Variants in ZNF644 observed in about 807,000 individuals in gnomAD.
ZNF644 encodes zinc finger protein 644, also known as zinc finger motif enhancer binding protein 2.
In ZNF644, 20 loss-of-function variants were observed where a neutral mutation model predicts 108.0. The ratio of observed to expected loss-of-function variants is 0.19; its 90% CI spans 0.13 to 0.27. ZNF644 has a LOEUF of 0.27. ZNF644 is among the 10% of genes least tolerant of loss of function. The probability of loss-of-function intolerance (pLI) is 1.00; values close to 1 mark genes in which losing one functional copy is unlikely to be tolerated. For synonymous variants in ZNF644, 542 were observed against 539.1 expected, an observed-to-expected ratio of 1.01 and a Z score of -0.08; for missense variants, 1,338 against 1,548.9, an observed-to-expected ratio of 0.86 and a Z score of 2.29.
intron 4 of ZNF644, among the ~76,000 whole-genome samples, chr1:90,920,637 G>T (rs1649324756): frequency 6.6e-6 from 1 of 151,870 alleles, no homozygotes; most frequent in Non-Finnish European, 1.5e-5. Flanking sequence ...ATCTAAACTT[G>T]AAATGAGAAT....
chr1:91,015,995 G>A (rs1212642277), intron 1 of ZNF644, among the ~76,000 whole-genome samples: 1 of 152,126 alleles, frequency 6.6e-6, no homozygotes, highest in Non-Finnish European at 1.5e-5. Flanking sequence ...CACTTGCCTA[G>A]TGCTCACACA....
At chr1:90,986,230 ATC>A (rs1482252326) in intron 1 of ZNF644, among the ~76,000 whole-genome samples, 2 of 152,074 alleles carry the variant, frequency 1.3e-5, no homozygotes, top group Non-Finnish European at 2.9e-5. Flanking sequence ...CCACAGTCTG[ATC>A]ATGAGAAAAA....
At position 90,939,417 on chromosome 1, in the gene ZNF644, T is replaced by G; in HGVS notation, c.1937A>C (p.Gln646Pro). Residue 646 changes from glutamine (Q) to proline (P), a missense_variant, in exon 3 of 6, where the codon CAA (glutamine) becomes CCA (proline). Physicochemically the swap from Gln to Pro is moderately conservative, Grantham distance 76. This residue lies in a region of ZNF644 where 462 missense variants were observed against 472.6 expected (regional missense o/e 0.98). Transcript: ENST00000337393. ...DSDSTKTLTK[Q>P]QSTTFPKNSA... ...GTTCTTTGGAAATGTGGTTGACTGT[T>G]GTTTAGTTAATGTTTTAGTGCTATC... 6.2e-7 allele frequency: 1 copy of G among 1,613,966 alleles called. No individual in the cohort carries two copies. Among genetic ancestry groups the G allele is most frequent in the East Asian group, 2.2e-5 (1 of 44,874 alleles).
chr1:90,994,840 C>T (rs545274767), intron 1 of ZNF644, among the ~76,000 whole-genome samples: 13 of 152,210 alleles, frequency 8.5e-5, no homozygotes, highest in African/African-American at 3.1e-4. Flanking sequence ...CACTGGGAGA[C>T]CCCCAACAAG....
chr1:90,923,329 A>G (rs1649677900), intron 4 of ZNF644, among the ~76,000 whole-genome samples: 1 of 151,998 alleles, frequency 6.6e-6, no homozygotes, highest in Non-Finnish European at 1.5e-5. Context: ...TCCACCCCTC[A>G]ATCTCTCGGC....
intron 2 of ZNF644, among the ~76,000 whole-genome samples, chr1:90,962,479 A>G (rs187989179): frequency 9.9e-5 from 15 of 152,230 alleles, no homozygotes; most frequent in Admixed American, 5.2e-4. Context: ...TATGCCTCAC[A>G]CATTATACAA....
In ZNF644 at chr1:90,940,442, G is replaced by A. The variant is rs144274015; in HGVS notation, c.912C>T (p.Thr304=). The change falls in exon 3 of 6, where the codon ACC becomes ACT. Residue 304 remains threonine (T), a synonymous_variant. Transcript: ENST00000337393. ...KMDVSKITRY[T]EDCFSDSNCV... Reference sequence around the variant, plus strand: ...AATTAGAATCACTAAAGCAATCCTCGGTATAACGAGTTATCTTGCTTACAT... The same window carrying A: ...AATTAGAATCACTAAAGCAATCCTCAGTATAACGAGTTATCTTGCTTACAT... 311 of 1,613,132 alleles carry A rather than the reference G, an allele frequency of 1.9e-4. No homozygotes were observed. The African/African-American group carries it at 3.8e-3, about 20-fold the overall frequency.
chr1:90,970,216 T>C (rs776016765), intron 2 of ZNF644, among the ~76,000 whole-genome samples: 11 of 152,324 alleles, frequency 7.2e-5, no homozygotes, highest in Middle Eastern at 3.4e-3. Context: ...TCCTGTATAA[T>C]TGACATTTAA....
At chr1:91,017,929 C>T (rs1167033633) in intron 1 of ZNF644, among the ~76,000 whole-genome samples, 1 of 152,012 alleles carries the variant, frequency 6.6e-6, no homozygotes, top group African/African-American at 2.4e-5. Flanking sequence ...ACCACTGCAC[C>T]CGCGCCTGGG....
chr1:90,923,117 G>A (rs1649652726), intron 4 of ZNF644, among the ~76,000 whole-genome samples: 1 of 152,114 alleles, frequency 6.6e-6, no homozygotes, highest in Non-Finnish European at 1.5e-5. Context: ...AAAGTGCCTA[G>A]GAGACCAGCT....
intron 2 of ZNF644, among the ~76,000 whole-genome samples, chr1:90,953,163 A>C (rs1653369830): frequency 6.6e-6 from 1 of 152,146 alleles, no homozygotes; most frequent in South Asian, 2.1e-4. Flanking sequence ...AACACAAACT[A>C]CCAAACATCT....
At chr1:90,991,909 C>T (rs1657671675) in intron 1 of ZNF644, among the ~76,000 whole-genome samples, 1 of 152,148 alleles carries the variant, frequency 6.6e-6, no homozygotes, top group African/African-American at 2.4e-5. Context: ...TATTGAAACA[C>T]TAGCGGAAAA....
intron 2 of ZNF644, among the ~76,000 whole-genome samples, chr1:90,953,568 T>C (rs796079826): frequency 3.9e-5 from 6 of 152,118 alleles, no homozygotes; most frequent in South Asian, 4.1e-4. Flanking sequence ...TATACTGTTG[T>C]CAATTAATTA....
At chr1:90,960,799 G>A (rs1314660262) in intron 2 of ZNF644, among the ~76,000 whole-genome samples, 2 of 152,086 alleles carry the variant, frequency 1.3e-5, no homozygotes, top group Non-Finnish European at 2.9e-5. Context: ...AGGTGTTCTT[G>A]CTAGTCTTTT....
At chr1:90,918,568 G>C (rs1269342817) in intron 4 of ZNF644, among the ~76,000 whole-genome samples, 1 of 152,004 alleles carries the variant, frequency 6.6e-6, no homozygotes, top group African/African-American at 2.4e-5. Flanking sequence ...CCTTTTATTT[G>C]AGATCATTAA....
intron 1 of ZNF644, among the ~76,000 whole-genome samples, chr1:91,015,932 T>G (rs945563125): frequency 6.6e-6 from 1 of 152,234 alleles, no homozygotes; most frequent in Non-Finnish European, 1.5e-5. Flanking sequence ...GGACTTTACA[T>G]GAATTATGTA....
chr1:90,928,929 T>C (rs764725284), intron 4 of ZNF644, among the ~76,000 whole-genome samples: 10 of 152,162 alleles, frequency 6.6e-5, no homozygotes, highest in Non-Finnish European at 1.2e-4. Context: ...TACTTGATCT[T>C]TTCCCACTGG....
chr1:90,948,853 G>A (rs1033730225), intron 2 of ZNF644, among the ~76,000 whole-genome samples: 1 of 152,054 alleles, frequency 6.6e-6, no homozygotes, highest in African/African-American at 2.4e-5. Context: ...TAATACCTCA[G>A]TAATTAAGTT....
rs755248826 is a variant in ZNF644, at chr1:90,916,912, G to A, written c.3870C>T (p.Asn1290=). 61 of 1,614,010 alleles carry A rather than the reference G, an allele frequency of 3.8e-5. No individual in the cohort carries two copies. Among genetic ancestry groups the A allele is most frequent in the South Asian group, 1.2e-4 (11 of 91,084 alleles). The part of the protein sequence containing the change: ...WIKHLQRHIV[N]ANLPRTGAGM... ...CAGCTCCAGTCCGTGGAAGATTAGC[G>A]TTTACAATATGTCGTTGTAAGTGCT... The change falls in exon 6 of 6, where the codon AAC becomes AAT. Residue 1290 remains asparagine (N), a synonymous_variant. Transcript: ENST00000337393.
Sources: gnomAD v4.1 joint callset for allele counts (sites outside exome capture counted in the v4.1 genomes callset) on GRCh38, gnomAD v4.1.1 for gene constraint, gnomAD v4.1.1 regional missense constraint, MANE v1.5 for transcripts, NCBI Gene and HGNC (gene_info 2026-07-23, HGNC 2026-07-21) for gene names.